The following TMEM131L variants were observed in gnomAD, a reference collection of about 807,000 sequenced individuals.
TMEM131L encodes transmembrane 131 like.
Under a neutral mutation model 192.2 loss-of-function variants are expected in TMEM131L, and 54 were observed. That is an observed-to-expected ratio of 0.28 (90% CI 0.23 to 0.35). The LOEUF is 0.35. Ranked by LOEUF, TMEM131L falls within the 10% of genes least tolerant of loss-of-function variation. The probability of loss-of-function intolerance (pLI) is 1.00; values close to 1 mark genes in which losing one functional copy is unlikely to be tolerated. For synonymous variants in TMEM131L, 701 were observed against 704.9 expected, an observed-to-expected ratio of 0.99 and a Z score of 0.09; for missense variants, 1,888 against 1,972.9, an observed-to-expected ratio of 0.96 and a Z score of 0.82.
intron 3 of TMEM131L, among the ~76,000 whole-genome samples, chr4:153,481,558 C>T (rs1442705683): frequency 6.6e-6 from 1 of 152,140 alleles, no homozygotes. Context: ...TTTTTTGAGA[C>T]AGGGTCTCAG....
chr4:153,498,798 G>C (rs539180412), intron 3 of TMEM131L, among the ~76,000 whole-genome samples: 1 of 152,184 alleles, frequency 6.6e-6, no homozygotes, highest in Non-Finnish European at 1.5e-5. Context: ...AAATTGAGAA[G>C]CTGCCATTTA....
Position 153,591,110 on chromosome 4 carries a change from G to A in TMEM131L, c.1728G>A (p.Glu576=), listed in dbSNP as rs372787312. The A allele has an allele frequency of 2.2e-5, 36 of 1,610,966 alleles. No homozygotes were observed. The highest frequency in any genetic ancestry group is 3.1e-5 in the Non-Finnish European group (36 of 1,178,134). Residue 576 remains glutamate (E), a synonymous_variant, in exon 17 of 35, where the codon GAG becomes GAA. Transcript: ENST00000409959. ...FAHLKKSKES[E]SFVFFLPRLI... Reference sequence around the variant, plus strand: ...ACTTGAAGAAATCCAAGGAGTCAGAGTCCTTTGTTTTCTTTTTGCCTCGTT... The same window carrying A: ...ACTTGAAGAAATCCAAGGAGTCAGAATCCTTTGTTTTCTTTTTGCCTCGTT...
chr4:153,546,931 AAAAC>A (rs769222869), intron 3 of TMEM131L, among the ~76,000 whole-genome samples: 33 of 152,240 alleles, frequency 2.2e-4, no homozygotes, highest in Non-Finnish European at 8.8e-5. Flanking sequence ...CTGTCTCAAA[AAAAC>A]AAACAAACAA....
chr4:153,598,385 T>C (rs1731596436), intron 20 of TMEM131L, among the ~76,000 whole-genome samples: 1 of 152,230 alleles, frequency 6.6e-6, no homozygotes, highest in South Asian at 2.1e-4. Flanking sequence ...CTTTGGTACT[T>C]GGCAGTGGCA....
chr4:153,548,828 G>C (rs1446434453), intron 3 of TMEM131L, among the ~76,000 whole-genome samples: 1 of 152,124 alleles, frequency 6.6e-6, no homozygotes, highest in Non-Finnish European at 1.5e-5. Context: ...CTTGGAGAGG[G>C]AGTTGCTGAA....
Position 153,603,152 on chromosome 4 carries a change from A to G in TMEM131L, c.2640-151A>G, listed in dbSNP as rs1247570967. ...ACTTTTGTGTGTGTGTTTAAGGAAC[A>G]TCAGAAATTATGTGATAAATCTTAG... On this transcript the variant is annotated intron_variant, in intron 23 of 34. Coordinates refer to ENST00000409959, the MANE Select transcript of TMEM131L (RefSeq NM_001131007.2). 9 of 655,556 alleles carry G rather than the reference A, an allele frequency of 1.4e-5. No individual in the cohort carries two copies. In the Admixed American group the frequency reaches 3.3e-4, roughly 24 times the overall value. 40.6% of individuals were successfully genotyped at this position (655,556 alleles called of 1,614,324 possible).
At chr4:153,503,843 G>A (rs1733777785) in intron 3 of TMEM131L, among the ~76,000 whole-genome samples, 1 of 152,200 alleles carries the variant, frequency 6.6e-6, no homozygotes, top group South Asian at 2.1e-4. Flanking sequence ...ACTCACAGCT[G>A]AGTCTAGAAA....
intron 3 of TMEM131L, among the ~76,000 whole-genome samples, chr4:153,485,850 A>T (rs1243749971): frequency 6.6e-6 from 1 of 152,246 alleles, no homozygotes; most frequent in Non-Finnish European, 1.5e-5. Flanking sequence ...GTGCTTTCAC[A>T]TGTATCTTCC....
At chr4:153,530,528 A>G (rs768912855) in intron 3 of TMEM131L, among the ~76,000 whole-genome samples, 7 of 152,190 alleles carry the variant, frequency 4.6e-5, no homozygotes, top group Non-Finnish European at 1.0e-4. Flanking sequence ...AATGCTGCAT[A>G]GGCGTAGTTT....
rs371954017 is a variant in TMEM131L, at chr4:153,629,759, G to A, written c.4207+2072G>A. On this transcript the variant is annotated intron_variant, in intron 31 of 34. Coordinates refer to ENST00000409959, the MANE Select transcript of TMEM131L (RefSeq NM_001131007.2). ...TATTGGCCTGTGACAGACACTGGAC[G>A]TTCTATTCTGGCTGGTAGACCTTAG... 8.5e-5 allele frequency among the ~76,000 whole-genome samples: 13 copies of A among 152,252 alleles called. No homozygotes were observed. In the East Asian group the frequency reaches 1.5e-3, roughly 18 times the overall value.
At chr4:153,484,297 G>T (rs1047763888) in intron 3 of TMEM131L, among the ~76,000 whole-genome samples, 2 of 152,008 alleles carry the variant, frequency 1.3e-5, no homozygotes, top group African/African-American at 4.8e-5. Context: ...ACAGATGTGT[G>T]GTGCCCAATT....
At chr4:153,479,104 C>G (rs1336499981) in intron 3 of TMEM131L, among the ~76,000 whole-genome samples, 1 of 152,218 alleles carries the variant, frequency 6.6e-6, no homozygotes, top group African/African-American at 2.4e-5. Flanking sequence ...GTTTTACTGG[C>G]AAGACTGCCC....
intron 4 of TMEM131L, among the ~76,000 whole-genome samples, chr4:153,553,604 C>T (rs780455387): frequency 6.6e-6 from 1 of 152,138 alleles, no homozygotes; most frequent in Non-Finnish European, 1.5e-5. Context: ...CTGATTTCTT[C>T]GCTGTCCCAG....
At chr4:153,474,636 A>G (rs938704637) in intron 3 of TMEM131L, among the ~76,000 whole-genome samples, 1 of 152,072 alleles carries the variant, frequency 6.6e-6, no homozygotes, top group African/African-American at 2.4e-5. Flanking sequence ...GTTCACTGCA[A>G]CCTCCGCCTC....
intron 3 of TMEM131L, among the ~76,000 whole-genome samples, chr4:153,516,633 A>G (rs960145289): frequency 1.3e-5 from 2 of 152,156 alleles, no homozygotes; most frequent in East Asian, 1.9e-4. Flanking sequence ...TTTAGGATAC[A>G]TTACTAGAAC....
intron 3 of TMEM131L, among the ~76,000 whole-genome samples, chr4:153,503,808 A>G (rs190520837): frequency 1.6e-3 from 240 of 152,372 alleles, no homozygotes; most frequent in South Asian, 0.012. Flanking sequence ...AAGGGTCATG[A>G]AAATGTAAGG....
At chr4:153,487,891 C>G (rs1174618233) in intron 3 of TMEM131L, among the ~76,000 whole-genome samples, 2 of 146,672 alleles carry the variant, frequency 1.4e-5, no homozygotes, top group Non-Finnish European at 3.0e-5. Flanking sequence ...CAGACAGACT[C>G]TGGTGGGCCT....
chr4:153,555,963 C>CT lies in TMEM131L; in HGVS notation c.432+55dup. The stretch of plus-strand genomic sequence containing the variant: ...ATGCCGTGGCAGGCAGCCAGGTTTT[C>CT]TTGCTTTCTTTGGCCTGAAGTTTTT... On this transcript the variant is annotated intron_variant, in intron 5 of 34. Transcript: ENST00000409959. The surrounding 1 kb of genome is among the most constrained non-coding windows in gnomAD (Gnocchi z 4.1). 1 of 1,539,104 alleles carries CT rather than the reference C, an allele frequency of 6.5e-7. No individual in the cohort carries two copies. Among genetic ancestry groups the CT allele is most frequent in the Non-Finnish European group, 8.8e-7 (1 of 1,139,878 alleles).
At chr4:153,584,615 G>A (rs1730580449) in intron 11 of TMEM131L, among the ~76,000 whole-genome samples, 1 of 152,192 alleles carries the variant, frequency 6.6e-6, no homozygotes, top group Non-Finnish European at 1.5e-5. Context: ...GTCATTTCTG[G>A]TAGAGAAGTT....
Sources: allele counts gnomAD v4.1 joint callset (sites outside exome capture counted in the v4.1 genomes callset), GRCh38; gene constraint gnomAD v4.1.1; non-coding constraint Gnocchi (gnomAD v3.1); transcripts MANE v1.5; gene names NCBI Gene and HGNC (gene_info 2026-07-23, HGNC 2026-07-21).